The following ROBO2 variants were observed in gnomAD, a reference collection of about 807,000 sequenced individuals.
ROBO2 encodes roundabout homolog 2.
In ROBO2, 53 loss-of-function variants were observed where a neutral mutation model predicts 160.8. The ratio of observed to expected loss-of-function variants is 0.33; its 90% CI spans 0.26 to 0.41. The LOEUF (loss-of-function observed/expected upper bound fraction) is 0.41. ROBO2 is among the 10% of genes least tolerant of loss of function. The pLI, the probability that ROBO2 is intolerant of heterozygous loss-of-function variation, is 1.00. For synonymous variants in ROBO2, 664 were observed against 611.7 expected, an observed-to-expected ratio of 1.09 and a Z score of -1.26; for missense variants, 1,577 against 1,722.4, an observed-to-expected ratio of 0.92 and a Z score of 1.49.
At chr3:76,837,502 T>G (rs2091127051) in intron 2 of ROBO2, among the ~76,000 whole-genome samples, 1 of 151,490 alleles carries the variant, frequency 6.6e-6, no homozygotes, top group Admixed American at 6.6e-5. Flanking sequence ...TTTTACATAG[T>G]TTTTTTTCTT....
At chr3:76,627,348 G>A (rs533463493) in intron 2 of ROBO2, among the ~76,000 whole-genome samples, 57 of 152,240 alleles carry the variant, frequency 3.7e-4, no homozygotes, top group Non-Finnish European at 7.4e-4. Context: ...ATCTAAATGG[G>A]TTGTGTCTAA....
chr3:76,184,601 G>A (rs1159876182), intron 2 of ROBO2, among the ~76,000 whole-genome samples: 1 of 150,724 alleles, frequency 6.6e-6, no homozygotes, highest in Non-Finnish European at 1.5e-5. Context: ...AGATAAGAGG[G>A]GATTTATTAG....
chr3:76,493,086 A>G (rs1308904922), intron 2 of ROBO2, among the ~76,000 whole-genome samples: 1 of 151,952 alleles, frequency 6.6e-6, no homozygotes, highest in Admixed American at 6.6e-5. Flanking sequence ...TGTTTGGGGC[A>G]TGTTTTTGCA....
chr3:76,745,869 C>T (rs1245532713), intron 2 of ROBO2, among the ~76,000 whole-genome samples: 1 of 148,818 alleles, frequency 6.7e-6, no homozygotes, highest in East Asian at 2.0e-4. Flanking sequence ...TTTTAGGGTA[C>T]ATGTGCACAA....
intron 2 of ROBO2, among the ~76,000 whole-genome samples, chr3:76,935,422 T>G (rs1271361701): frequency 1.3e-5 from 2 of 152,250 alleles, no homozygotes; most frequent in African/African-American, 4.8e-5. Context: ...ACATGTTTTC[T>G]GTTCCTGGAT....
intron 2 of ROBO2, among the ~76,000 whole-genome samples, chr3:76,144,258 G>T (rs2071800241): frequency 6.6e-6 from 1 of 151,946 alleles, no homozygotes; most frequent in Admixed American, 6.6e-5. Flanking sequence ...CTAATTATCT[G>T]TAAATAGAAA....
chr3:76,455,555 T>A (rs2077707243), intron 2 of ROBO2, among the ~76,000 whole-genome samples: 1 of 152,146 alleles, frequency 6.6e-6, no homozygotes, highest in Non-Finnish European at 1.5e-5. Context: ...CTCCATATAT[T>A]TGCCTATAGA....
At chr3:76,771,974 T>C (rs2108507018) in intron 2 of ROBO2, among the ~76,000 whole-genome samples, 1 of 151,432 alleles carries the variant, frequency 6.6e-6, no homozygotes, top group African/African-American at 2.4e-5. Context: ...GGTACAAATA[T>C]TATCGTTGCT....
At chr3:76,619,019 G>A (rs568517373) in intron 2 of ROBO2, among the ~76,000 whole-genome samples, 1 of 151,796 alleles carries the variant, frequency 6.6e-6, no homozygotes, top group Admixed American at 6.5e-5. Flanking sequence ...GAGCATTTAA[G>A]TTAAAAGAGA....
At chr3:75,957,413 A>G (rs1366402435) in intron 2 of ROBO2, among the ~76,000 whole-genome samples, 1 of 151,740 alleles carries the variant, frequency 6.6e-6, no homozygotes, top group Admixed American at 6.6e-5. Flanking sequence ...TTAATTTTTA[A>G]TGTAATATTT....
At chr3:76,073,521 G>T (rs1450444364) in intron 2 of ROBO2, among the ~76,000 whole-genome samples, 1 of 151,700 alleles carries the variant, frequency 6.6e-6, no homozygotes, top group Non-Finnish European at 1.5e-5. Context: ...TCGATCTCCT[G>T]ACCTCGTGAT....
At chr3:77,330,965 A>T (rs1356114727) in intron 2 of ROBO2, among the ~76,000 whole-genome samples, 4 of 152,226 alleles carry the variant, frequency 2.6e-5, no homozygotes, top group Non-Finnish European at 4.4e-5. Context: ...AAGAAAAGGT[A>T]AATCATATAG....
At chr3:76,590,237 A>G (rs113232510) in intron 2 of ROBO2, among the ~76,000 whole-genome samples, 218 of 152,276 alleles carry the variant, frequency 1.4e-3, no homozygotes, top group African/African-American at 5.0e-3. Flanking sequence ...AATGTATGCT[A>G]ATATTATTTT....
intron 2 of ROBO2, among the ~76,000 whole-genome samples, chr3:76,108,645 G>A (rs911314516): frequency 6.6e-6 from 1 of 151,574 alleles, no homozygotes; most frequent in Non-Finnish European, 1.5e-5. Context: ...TAATGAAGAA[G>A]TGAGAATAAT....
At chr3:77,373,023 A>G (rs2072007015) in intron 2 of ROBO2, among the ~76,000 whole-genome samples, 1 of 150,474 alleles carries the variant, frequency 6.6e-6, no homozygotes. Flanking sequence ...TGTTAAAATC[A>G]TAAGTGAGGA....
intron 2 of ROBO2, among the ~76,000 whole-genome samples, chr3:76,402,345 C>T (rs552498593): frequency 2.7e-4 from 41 of 151,614 alleles, no homozygotes; most frequent in African/African-American, 7.0e-4. Flanking sequence ...TGATGCTTGA[C>T]GACATTTCTG....
chr3:77,433,011 C>T (rs576324789), intron 2 of ROBO2, among the ~76,000 whole-genome samples: 6 of 152,230 alleles, frequency 3.9e-5, no homozygotes, highest in African/African-American at 1.2e-4. Flanking sequence ...GAGGACATGG[C>T]TTTATTTGGC....
chr3:77,520,516 AG>A (rs1210306980), intron 5 of ROBO2, among the ~76,000 whole-genome samples: 3 of 151,278 alleles, frequency 2.0e-5, no homozygotes, highest in Non-Finnish European at 4.4e-5. Context: ...TATACAATAT[AG>A]GTATCTTTTA....
At chr3:77,375,180 C>T (rs1033939182) in intron 2 of ROBO2, among the ~76,000 whole-genome samples, 2 of 152,186 alleles carry the variant, frequency 1.3e-5, no homozygotes, top group Admixed American at 6.5e-5. Context: ...CTACTGTACC[C>T]CAGCCTGGGA....
Sources: gnomAD v4.1 joint callset for allele counts (sites outside exome capture counted in the v4.1 genomes callset) on GRCh38, gnomAD v4.1.1 for gene constraint, MANE v1.5 for transcripts, NCBI Gene and HGNC (gene_info 2026-07-23, HGNC 2026-07-21) for gene names.